The following RASGRF2 variants were observed in gnomAD, a reference collection of about 807,000 sequenced individuals.
RASGRF2 encodes the protein Ras protein specific guanine nucleotide releasing factor 2.
Under a neutral mutation model 151.0 loss-of-function variants are expected in RASGRF2, and 76 were observed. The observed-to-expected ratio is 0.50, with a 90% CI of 0.42 to 0.61. The LOEUF (loss-of-function observed/expected upper bound fraction) is 0.61. Among genes scored for constraint, RASGRF2 ranks in the 20% least tolerant of loss-of-function variants. RASGRF2 has a pLI of 0.00. For synonymous variants in RASGRF2, 504 were observed against 566.5 expected, an observed-to-expected ratio of 0.89 and a Z score of 1.57; for missense variants, 1,148 against 1,564.6, an observed-to-expected ratio of 0.73 and a Z score of 4.49.
At chr5:81,033,800 G>T (rs1205245723) in intron 1 of RASGRF2, among the ~76,000 whole-genome samples, 3 of 152,194 alleles carry the variant, frequency 2.0e-5, no homozygotes, top group Non-Finnish European at 2.9e-5. Context: ...TGACAAATGG[G>T]ATCCAATTAA....
rs1756047273 is a variant in RASGRF2, at chr5:81,228,541, A to G, written c.*2771A>G. 1.3e-5 allele frequency: 2 copies of G among 152,222 alleles called. No individual in the cohort carries two copies. The highest frequency in any genetic ancestry group is 4.8e-5 in the African/African-American group (2 of 41,458). The allele number at this position is 152,222 out of a possible 1,614,324, so 9.4% of individuals were successfully genotyped here. A position where few individuals can be genotyped will look rare whatever the true frequency, so the allele number is the denominator to read the frequency against. ...ATTTCTAAGAGGAGATGGGAGGTCA[A>G]CCTCTAACAGCCAAGTAGCGAACAT... On this transcript the variant is annotated 3_prime_UTR_variant, in exon 27 of 27. Transcript: ENST00000265080.
chr5:80,967,336 C>T (rs188776785), intron 1 of RASGRF2, among the ~76,000 whole-genome samples: 2 of 152,100 alleles, frequency 1.3e-5, no homozygotes, highest in East Asian at 1.9e-4. Context: ...TGCAGTTAGT[C>T]GAGATCACGC....
At chr5:81,160,189 G>T (rs1754349657) in intron 17 of RASGRF2, among the ~76,000 whole-genome samples, 1 of 152,206 alleles carries the variant, frequency 6.6e-6, no homozygotes, top group South Asian at 2.1e-4. Context: ...GAAGGCCAAG[G>T]CGGGTGGATC....
At chr5:81,026,708 T>A (rs1233313079) in intron 1 of RASGRF2, among the ~76,000 whole-genome samples, 1 of 151,980 alleles carries the variant, frequency 6.6e-6, no homozygotes, top group Non-Finnish European at 1.5e-5. Flanking sequence ...AAATTATGAC[T>A]AATGAAATGG....
At chr5:81,040,440 ATTG>A (rs1364640918) in intron 1 of RASGRF2, among the ~76,000 whole-genome samples, 2 of 152,228 alleles carry the variant, frequency 1.3e-5, no homozygotes, top group African/African-American at 2.4e-5. Context: ...AGTATTTGAT[ATTG>A]TTGTAATAAT....
intron 13 of RASGRF2, among the ~76,000 whole-genome samples, chr5:81,111,273 G>A (rs1752985250): frequency 6.6e-6 from 1 of 152,150 alleles, no homozygotes; most frequent in Admixed American, 6.5e-5. Context: ...GTCCTGAAAT[G>A]CTGCAGTGAA....
chr5:81,176,670 G>A (rs763930301), intron 17 of RASGRF2, among the ~76,000 whole-genome samples: 1 of 152,190 alleles, frequency 6.6e-6, no homozygotes, highest in Non-Finnish European at 1.5e-5. Context: ...TGCAGGCTGA[G>A]GTATGTGTTC....
chr5:81,043,855 C>T (rs1444919593), intron 2 of RASGRF2, among the ~76,000 whole-genome samples: 5 of 152,218 alleles, frequency 3.3e-5, no homozygotes, highest in Admixed American at 3.3e-4. Context: ...CCACTCCCGC[C>T]CTGAGACATC....
chr5:81,090,119 A>G (rs1752346894), intron 9 of RASGRF2, among the ~76,000 whole-genome samples: 1 of 152,218 alleles, frequency 6.6e-6, no homozygotes, highest in African/African-American at 2.4e-5. Context: ...CTAGACTCTA[A>G]GTCATGCGCT....
At chr5:81,170,093 G>A (rs996138659) in intron 17 of RASGRF2, among the ~76,000 whole-genome samples, 3 of 149,716 alleles carry the variant, frequency 2.0e-5, no homozygotes, top group Admixed American at 6.6e-5. Context: ...TGCATCACCC[G>A]CACCACATGT....
intron 2 of RASGRF2, among the ~76,000 whole-genome samples, chr5:81,065,790 C>T (rs1439821268): frequency 6.6e-6 from 1 of 152,130 alleles, no homozygotes; most frequent in East Asian, 1.9e-4. Context: ...TAGTTTTTCT[C>T]TTCATGGAAT....
chr5:81,202,664 G>A (rs1428887966), intron 19 of RASGRF2, among the ~76,000 whole-genome samples: 2 of 152,242 alleles, frequency 1.3e-5, no homozygotes, highest in Non-Finnish European at 2.9e-5. Context: ...CATTGCCAGT[G>A]TAATCAGTTA....
rs1450669891 is a variant in RASGRF2 at position 81,201,440 on chromosome 5, C to G, written c.2904C>G (p.Leu968=). The part of the protein sequence containing the change: ...PQERKAAANI[L]RALSQDDQDD... ...AAAGGAAAGCCGCCGCGAATATCCT[C>G]AGGTGAAGGCAGCTGAAGATGCCGA... is the stretch of plus-strand genomic sequence containing the variant. Residue 968 remains leucine, a splice_region_variant and synonymous_variant, in exon 19 of 27, where the codon CTC becomes CTG. Transcript: ENST00000265080. The G allele has an allele frequency of 3.1e-6, 5 of 1,611,518 alleles. No homozygotes were observed. Among genetic ancestry groups the G allele is most frequent in the Non-Finnish European group, 4.2e-6 (5 of 1,179,350 alleles).
In RASGRF2 at chr5:80,978,585, G is replaced by T. The variant is rs183661760; in HGVS notation, c.288+17559G>T. Among the ~76,000 whole-genome samples, 124 of 152,278 alleles carry T rather than the reference G, an allele frequency of 8.1e-4. 1 individual carries two copies. The highest frequency in any genetic ancestry group is 2.7e-3 in the African/African-American group (114 of 41,562). On this transcript the variant is annotated intron_variant, in intron 1 of 26. Transcript: ENST00000265080. Reference sequence around the variant, plus strand: ...GCAGATCACCTGAGGTCAGGTGTTCGTGACCAGCCTGGCCAACATAGTGAA... The same window carrying T: ...GCAGATCACCTGAGGTCAGGTGTTCTTGACCAGCCTGGCCAACATAGTGAA...
chr5:81,053,590 G>A (rs1316296690), intron 2 of RASGRF2, among the ~76,000 whole-genome samples: 2 of 152,090 alleles, frequency 1.3e-5, no homozygotes, highest in East Asian at 3.8e-4. Flanking sequence ...AAACATACGT[G>A]TGCATGTGTC....
intron 12 of RASGRF2, among the ~76,000 whole-genome samples, chr5:81,104,553 T>C (rs916406811): frequency 3.3e-5 from 5 of 152,190 alleles, no homozygotes; most frequent in African/African-American, 1.2e-4. Flanking sequence ...TATAATTTCA[T>C]GGTTTTTCAA....
At chr5:81,070,993 C>T (rs1354043587) in intron 4 of RASGRF2, among the ~76,000 whole-genome samples, 2 of 151,956 alleles carry the variant, frequency 1.3e-5, no homozygotes, top group Non-Finnish European at 2.9e-5. Context: ...TCAGCACATC[C>T]GCTTATATTT....
chr5:81,170,904 ATTTT>A, intron 17 of RASGRF2, among the ~76,000 whole-genome samples: 2 of 152,200 alleles, frequency 1.3e-5, no homozygotes, highest in South Asian at 4.1e-4. Flanking sequence ...CTCAGTAAAC[ATTTT>A]GTCTGACCAA....
intron 17 of RASGRF2, among the ~76,000 whole-genome samples, chr5:81,134,947 T>C (rs2112587877): frequency 6.6e-6 from 1 of 152,338 alleles, no homozygotes; most frequent in African/African-American, 2.4e-5. Flanking sequence ...AATTATTCTC[T>C]AGTTACATTT....
Sources: allele counts gnomAD v4.1 joint callset (sites outside exome capture counted in the v4.1 genomes callset), GRCh38; gene constraint gnomAD v4.1.1; transcripts MANE v1.5; gene names NCBI Gene and HGNC (gene_info 2026-07-23, HGNC 2026-07-21).